Variants in RANBP17 observed in about 807,000 individuals in gnomAD.
The protein encoded by RANBP17 is RAN binding protein 17.
In RANBP17, 158 loss-of-function variants were observed where a neutral mutation model predicts 141.2. That is an observed-to-expected ratio of 1.12 (90% CI 0.98 to 1.28). RANBP17 has a LOEUF of 1.28. Ranked by LOEUF, RANBP17 falls within the 50% of genes most tolerant of loss-of-function variation. RANBP17 has a pLI of 0.00. For missense variants in RANBP17, 1,438 were observed against 1,290.7 expected, an observed-to-expected ratio of 1.11 and a Z score of -1.75; for synonymous variants, 430 against 450.0, an observed-to-expected ratio of 0.96 and a Z score of 0.56.
chr5:171,241,508 G>A (rs1195546206), intron 23 of RANBP17, among the ~76,000 whole-genome samples: 3 of 152,170 alleles, frequency 2.0e-5, no homozygotes, highest in East Asian at 3.9e-4. Context: ...TGATCTCCTA[G>A]TGGACTAGTG....
chr5:170,975,627 C>A (rs946853183), intron 14 of RANBP17, among the ~76,000 whole-genome samples: 18 of 152,194 alleles, frequency 1.2e-4, no homozygotes, highest in African/African-American at 4.3e-4. Flanking sequence ...CTTCTAGGTT[C>A]TTTGCCACTT....
chr5:171,153,019 TG>T (rs1758600563), intron 14 of RANBP17, among the ~76,000 whole-genome samples: 1 of 152,202 alleles, frequency 6.6e-6, no homozygotes, highest in Non-Finnish European at 1.5e-5. Flanking sequence ...TTATGCTCTG[TG>T]TCCTTATTTT....
At chr5:171,210,958 T>C (rs1223574139) in intron 20 of RANBP17, among the ~76,000 whole-genome samples, 2 of 148,132 alleles carry the variant, frequency 1.4e-5, no homozygotes, top group East Asian at 4.0e-4. Flanking sequence ...TGAGCCAAGA[T>C]TGCGCCACTG....
chr5:170,937,652 A>G (rs1157665824), intron 12 of RANBP17, among the ~76,000 whole-genome samples: 11 of 152,198 alleles, frequency 7.2e-5, no homozygotes, highest in Admixed American at 7.2e-4. Context: ...TTTCAGTCCT[A>G]ACTTGTCCTT....
At chr5:171,068,118 C>A (rs980895124) in intron 14 of RANBP17, among the ~76,000 whole-genome samples, 1 of 152,164 alleles carries the variant, frequency 6.6e-6, no homozygotes, top group South Asian at 2.1e-4. Context: ...TTCCCTGTTT[C>A]CAAGTTCACT....
At chr5:171,265,041 A>G (rs1466772202) in intron 24 of RANBP17, among the ~76,000 whole-genome samples, 5 of 152,190 alleles carry the variant, frequency 3.3e-5, no homozygotes, top group Non-Finnish European at 5.9e-5. Flanking sequence ...GTTCTTTGAC[A>G]CCAGGATGAG....
At chr5:170,877,508 C>T (rs116151152) in intron 1 of RANBP17, among the ~76,000 whole-genome samples, 1,787 of 152,186 alleles carry the variant, frequency 0.012, 31 homozygotes, top group African/African-American at 0.041. Flanking sequence ...GCGATCCTTC[C>T]GCCTTGGCCT....
intron 14 of RANBP17, among the ~76,000 whole-genome samples, chr5:171,062,120 C>G (rs1439517779): frequency 6.6e-6 from 1 of 151,446 alleles, no homozygotes; most frequent in Non-Finnish European, 1.5e-5. Flanking sequence ...TCCAATTTGC[C>G]AGTCTGTGTC....
rs553002551 is a variant in RANBP17 at position 170,904,977 on chromosome 5, T to C, written c.490-4684T>C. ...TTCTTCTTTAGATAAGAACTTGTTT[T>C]CTCAAAAGAATTCTAATTTGTACAC... is the stretch of plus-strand genomic sequence containing the variant. On this transcript the variant is annotated intron_variant, in intron 5 of 27. Coordinates refer to ENST00000523189, the MANE Select transcript of RANBP17 (RefSeq NM_022897.5). Among the ~76,000 whole-genome samples, 15 of 152,310 alleles carry C rather than the reference T, an allele frequency of 9.8e-5. No homozygotes were observed. In the South Asian group the frequency reaches 2.9e-3, roughly 29 times the overall value.
At chr5:171,155,078 G>GAAAAAAAAA (rs145976955) in intron 14 of RANBP17, among the ~76,000 whole-genome samples, 131 of 74,986 alleles carry the variant, frequency 1.7e-3, no homozygotes, top group East Asian at 9.5e-3. Flanking sequence ...ACTCCATCTA[G>GAAAAAAAAA]AAAAAAAAAA....
intron 13 of RANBP17, among the ~76,000 whole-genome samples, chr5:170,957,899 A>C (rs1775847746): frequency 2.6e-5 from 4 of 152,200 alleles, no homozygotes; most frequent in Admixed American, 2.6e-4. Flanking sequence ...TCCATTGACC[A>C]AAATGTTGTC....
At chr5:170,903,837 C>T (rs1770858273) in intron 5 of RANBP17, 1 of 437,640 alleles carries the variant, frequency 2.3e-6, no homozygotes, top group East Asian at 5.9e-5. Context: ...GGCAAATTTG[C>T]TCAACCTAAC....
intron 14 of RANBP17, among the ~76,000 whole-genome samples, chr5:171,043,389 G>GT (rs1401616168): frequency 1.3e-5 from 2 of 151,972 alleles, no homozygotes; most frequent in Admixed American, 6.6e-5. Flanking sequence ...TGTTCCAATG[G>GT]TTCAGTTCTT....
At chr5:171,043,660 G>A (rs865854924) in intron 14 of RANBP17, among the ~76,000 whole-genome samples, 1 of 152,160 alleles carries the variant, frequency 6.6e-6, no homozygotes, top group East Asian at 1.9e-4. Flanking sequence ...GATGTGTGAT[G>A]TGGGGTCAGA....
intron 12 of RANBP17, among the ~76,000 whole-genome samples, chr5:170,929,733 G>A (rs1386546296): frequency 2.6e-5 from 4 of 152,056 alleles, no homozygotes; most frequent in Non-Finnish European, 4.4e-5. Context: ...AAATGAGTCC[G>A]GTAGTGTTTC....
chr5:170,909,429 T>C (rs915179919), intron 5 of RANBP17, among the ~76,000 whole-genome samples: 14 of 151,760 alleles, frequency 9.2e-5, no homozygotes, highest in African/African-American at 3.4e-4. Flanking sequence ...ATAGTCTTAG[T>C]ATCTATTTTT....
chr5:171,083,271 G>A (rs545731537), intron 14 of RANBP17, among the ~76,000 whole-genome samples: 2 of 152,164 alleles, frequency 1.3e-5, no homozygotes, highest in African/African-American at 4.8e-5. Flanking sequence ...CATGAGAGTG[G>A]AACCTTCATG....
At chr5:170,972,513 G>A (rs1157488251) in intron 14 of RANBP17, among the ~76,000 whole-genome samples, 1 of 151,894 alleles carries the variant, frequency 6.6e-6, no homozygotes, top group Non-Finnish European at 1.5e-5. Context: ...TACCATTTTT[G>A]AGATTTATTC....
At position 171,293,897 on chromosome 5, in the gene RANBP17, C is replaced by A. The variant is rs771756109; in HGVS notation, c.2958C>A (p.Leu986=). The A allele has an allele frequency of 4.3e-6, 7 of 1,613,100 alleles. No individual in the cohort carries two copies. The East Asian group carries it at 1.3e-4, about 31-fold the overall frequency. Reference sequence around the variant, plus strand: ...CTATCTTCTAGATGATGTCTGTCCTCATGAACACCATTGTCTTTGAAGACT... The same window carrying A: ...CTATCTTCTAGATGATGTCTGTCCTAATGAACACCATTGTCTTTGAAGACT... The part of the protein sequence containing the change: ...PDVLQQMMSV[L]MNTIVFEDCR... Residue 986 remains leucine (L), a synonymous_variant, in exon 26 of 28, where the codon CTC becomes CTA. Coordinates refer to ENST00000523189, the MANE Select transcript of RANBP17 (RefSeq NM_022897.5).
Sources: gnomAD v4.1 joint callset for allele counts (sites outside exome capture counted in the v4.1 genomes callset) on GRCh38, gnomAD v4.1.1 for gene constraint, MANE v1.5 for transcripts, NCBI Gene and HGNC (gene_info 2026-07-23, HGNC 2026-07-21) for gene names.